Variants in SPIRE1 observed in about 807,000 individuals in gnomAD.
SPIRE1 encodes the protein spire type actin nucleation factor 1.
Under a neutral mutation model 94.1 loss-of-function variants are expected in SPIRE1, and 40 were observed. The observed-to-expected ratio is 0.43, with a 90% CI of 0.33 to 0.55. The LOEUF (loss-of-function observed/expected upper bound fraction) is 0.55, where lower values mean the gene tolerates loss of function less well. SPIRE1 is among the 20% of genes least tolerant of loss of function. SPIRE1 has a pLI of 0.06. For synonymous variants in SPIRE1, 376 were observed against 371.7 expected, an observed-to-expected ratio of 1.01 and a Z score of -0.13; for missense variants, 838 against 975.2, an observed-to-expected ratio of 0.86 and a Z score of 1.87.
chr18:12,575,101 G>C (rs552891033), intron 2 of SPIRE1, among the ~76,000 whole-genome samples: 20 of 152,258 alleles, frequency 1.3e-4, no homozygotes, highest in African/African-American at 4.8e-4. Flanking sequence ...GGTGTTTTCA[G>C]TCTGTCTTTT....
chr18:12,659,221 G>A (rs542189228), upstream of SPIRE1, among the ~76,000 whole-genome samples: 19 of 152,244 alleles, frequency 1.2e-4, no homozygotes, highest in African/African-American at 4.6e-4. Context: ...TATGTAAAAT[G>A]TTAGAAATCA....
At chr18:12,556,998 G>C (rs1303826740) in intron 2 of SPIRE1, among the ~76,000 whole-genome samples, 1 of 152,150 alleles carries the variant, frequency 6.6e-6, no homozygotes, top group African/African-American at 2.4e-5. Context: ...CTTTTGACAG[G>C]GTGCTGATTG....
intron 1 of SPIRE1, among the ~76,000 whole-genome samples, chr18:12,654,336 CAA>C (rs199897679): frequency 1.1e-3 from 110 of 98,968 alleles, no homozygotes; most frequent in African/African-American, 3.8e-3. Flanking sequence ...GACTCCACCT[CAA>C]AAAAAAAAAA....
At chr18:12,620,183 G>A (rs1003406804) in intron 2 of SPIRE1, among the ~76,000 whole-genome samples, 3 of 152,110 alleles carry the variant, frequency 2.0e-5, no homozygotes, top group South Asian at 2.1e-4. Context: ...TGGAGTCAAC[G>A]AAGACCTAAA....
intron 4 of SPIRE1, among the ~76,000 whole-genome samples, chr18:12,534,405 CGACTT>C: frequency 6.6e-6 from 1 of 152,140 alleles, no homozygotes; most frequent in South Asian, 2.1e-4. Flanking sequence ...TTTTAGGTGT[CGACTT>C]GACTGAATTA....
In SPIRE1 at chr18:12,452,516, T is replaced by A. The variant is rs1244152922; in HGVS notation, c.1848-4A>T. 1 of 1,613,842 alleles carries A rather than the reference T, an allele frequency of 6.2e-7. No individual in the cohort carries two copies. Among genetic ancestry groups the A allele is most frequent in the Admixed American group, 1.7e-5 (1 of 60,020 alleles). Reference sequence around the variant, plus strand: ...GCAACACTGTGAGCACACCGGCCTGTAAACAAAATCATAAATGTTATTTGG... The same window carrying A: ...GCAACACTGTGAGCACACCGGCCTGAAAACAAAATCATAAATGTTATTTGG... On this transcript the variant is annotated splice_region_variant and splice_polypyrimidine_tract_variant and intron_variant, in intron 14 of 16. Transcript: ENST00000409402.
intron 1 of SPIRE1, among the ~76,000 whole-genome samples, chr18:12,647,374 T>C (rs2038255119): frequency 6.6e-6 from 1 of 152,198 alleles, no homozygotes; most frequent in African/African-American, 2.4e-5. Context: ...TTATTCATAC[T>C]ATCCAGTAAG....
At chr18:12,653,651 T>C (rs1391609706) in intron 1 of SPIRE1, among the ~76,000 whole-genome samples, 1 of 152,172 alleles carries the variant, frequency 6.6e-6, no homozygotes, top group Admixed American at 6.5e-5. Flanking sequence ...AAACGTCCAT[T>C]TAGAAAATAT....
intron 6 of SPIRE1, among the ~76,000 whole-genome samples, chr18:12,504,030 G>T (rs1286970578): frequency 6.8e-6 from 1 of 147,466 alleles, no homozygotes; most frequent in African/African-American, 2.5e-5. Flanking sequence ...CCTCAGCTCT[G>T]CCTTGTAACC....
chr18:12,616,239 T>C (rs1335343545), intron 2 of SPIRE1, among the ~76,000 whole-genome samples: 3 of 152,138 alleles, frequency 2.0e-5, no homozygotes, highest in Non-Finnish European at 4.4e-5. Flanking sequence ...TAAAGTTTGT[T>C]TGTGGTGTAG....
chr18:12,599,758 T>C (rs2036778875), intron 2 of SPIRE1, among the ~76,000 whole-genome samples: 1 of 152,114 alleles, frequency 6.6e-6, no homozygotes, highest in African/African-American at 2.4e-5. Context: ...ATGGTATGGT[T>C]TGTCCTAATA....
At chr18:12,624,217 T>A (rs1015687682) in intron 2 of SPIRE1, among the ~76,000 whole-genome samples, 1 of 147,782 alleles carries the variant, frequency 6.8e-6, no homozygotes, top group Non-Finnish European at 1.5e-5. Context: ...CCACCATGCC[T>A]GCCTAATAAG....
chr18:12,517,861 AAAT>A (rs1423684193), intron 4 of SPIRE1, among the ~76,000 whole-genome samples: 2 of 152,206 alleles, frequency 1.3e-5, no homozygotes, highest in South Asian at 2.1e-4. Context: ...TCATATATTA[AAAT>A]AATAATGTAT....
At chr18:12,491,963 T>C (rs555169131) in intron 8 of SPIRE1, among the ~76,000 whole-genome samples, 5 of 152,290 alleles carry the variant, frequency 3.3e-5, no homozygotes, top group East Asian at 3.9e-4. Flanking sequence ...GGTTTCTACA[T>C]TGGGAAAACA....
At position 12,485,966 on chromosome 18, in the gene SPIRE1, G is replaced by A; in HGVS notation, c.1224C>T (p.Asp408=). The A allele has an allele frequency of 7.2e-6, 11 of 1,528,810 alleles. 1 individual carries two copies. The highest frequency in any genetic ancestry group is 5.6e-5 in the African/African-American group (4 of 71,022). The allele number at this position is 1,528,810 out of a possible 1,614,324, so 94.7% of individuals were successfully genotyped here. The part of the protein sequence containing the change: ...MRPLSMSYSF[D]LSDVTTPEST... ...TGTTTTTGTTTTTTTTACCTGACAA[G>A]TCAAAACTGTAAGACATGCTAAGTG... The change falls in exon 9 of 17, where the codon GAC becomes GAT. Residue 408 remains aspartate, a synonymous_variant. Coordinates refer to ENST00000409402, the MANE Select transcript of SPIRE1 (RefSeq NM_001128626.2).
intron 6 of SPIRE1, among the ~76,000 whole-genome samples, chr18:12,501,098 A>G (rs1438859758): frequency 1.8e-4 from 27 of 148,980 alleles, no homozygotes; most frequent in African/African-American, 6.2e-4. Context: ...AAAAAAAAGA[A>G]AAAAAAAAAG....
intron 2 of SPIRE1, among the ~76,000 whole-genome samples, chr18:12,570,276 T>G (rs2035930092): frequency 6.6e-6 from 1 of 152,224 alleles, no homozygotes. Context: ...TTTAAAATTT[T>G]TGTTTAACAT....
chr18:12,460,990 A>C (rs1426786875), intron 12 of SPIRE1, among the ~76,000 whole-genome samples: 1 of 152,084 alleles, frequency 6.6e-6, no homozygotes, highest in Admixed American at 6.6e-5. Context: ...ACCACTGTTC[A>C]GTGCTGAGCA....
intron 10 of SPIRE1, among the ~76,000 whole-genome samples, 182 bp from the exon 11 acceptor site, chr18:12,465,140 G>A (rs1256844894): frequency 6.6e-6 from 1 of 152,048 alleles, no homozygotes. Flanking sequence ...TTTGTGCCTT[G>A]GCTCTGCCCT....
Sources: allele counts gnomAD v4.1 joint callset (sites outside exome capture counted in the v4.1 genomes callset), GRCh38; gene constraint gnomAD v4.1.1; transcripts MANE v1.5; gene names NCBI Gene and HGNC (gene_info 2026-07-23, HGNC 2026-07-21).